METTL2B: variants seen among roughly 807,000 people sequenced by gnomAD.
METTL2B encodes methyltransferase 2B, tRNA N3-cytidine.
A neutral mutation model predicts 51.0 loss-of-function variants in METTL2B; 28 were observed. The observed-to-expected ratio is 0.55, with a 90% CI of 0.41 to 0.75. The LOEUF is 0.75. Ranked by LOEUF, METTL2B falls within the 30% of genes least tolerant of loss-of-function variation. METTL2B has a pLI of 0.00. For missense variants in METTL2B, 313 were observed against 460.7 expected (o/e 0.68, Z 2.93); for synonymous variants, 128 against 166.3 (o/e 0.77, Z 1.77).
intron 6 of METTL2B, among the ~76,000 whole-genome samples, chr7:128,496,930 G>A (rs1160393142): frequency 1.3e-5 from 2 of 152,082 alleles, no homozygotes; most frequent in African/African-American, 4.8e-5. Context: ...ACAGGTGCCT[G>A]CCACCATCCC....
At chr7:128,482,267 C>G (rs1295371372) in intron 4 of METTL2B, among the ~76,000 whole-genome samples, 2 of 152,140 alleles carry the variant, frequency 1.3e-5, no homozygotes, top group Non-Finnish European at 2.9e-5. Flanking sequence ...GATTCACCTG[C>G]CTCAGCCTCC....
rs759858376 is a variant in METTL2B, at chr7:128,498,007, A to C, written c.810-29A>C. ...AGAACCCTGTCTTTAAGGAGACCTG[A>C]TTAACTATAATTCCCTGTGTCTCCA... On this transcript the variant is annotated intron_variant, in intron 6 of 8. Coordinates refer to ENST00000262432, the MANE Select transcript of METTL2B (RefSeq NM_018396.3). The C allele has an allele frequency of 5.6e-6, 9 of 1,610,308 alleles. No homozygotes were observed. In the South Asian group the frequency reaches 8.8e-5, roughly 16 times the overall value.
In METTL2B at chr7:128,487,163, C is replaced by A. The variant is rs1017004868; in HGVS notation, c.609-938C>A. The stretch of plus-strand genomic sequence containing the variant: ...ATTACCATAGCAAATGCTGCAGTTC[C>A]CCGGGTTTTTAGTCTTGATTATACC... On this transcript the variant is annotated intron_variant, in intron 4 of 8. Transcript: ENST00000262432. 4.9e-4 allele frequency among the ~76,000 whole-genome samples: 74 copies of A among 152,146 alleles called. 2 individuals carry two copies. The highest frequency in any genetic ancestry group is 1.2e-4 in the Non-Finnish European group (8 of 68,026).
chr7:128,500,845 A>G lies in METTL2B; in HGVS notation c.917-58A>G. The G allele has an allele frequency of 2.5e-6, 4 of 1,599,522 alleles. No homozygotes were observed. In the East Asian group the frequency reaches 6.7e-5, roughly 27 times the overall value. On this transcript the variant is annotated intron_variant, in intron 7 of 8. Coordinates refer to ENST00000262432, the MANE Select transcript of METTL2B (RefSeq NM_018396.3). ...GGCCTCTCAGTTAACATTCCTTAGC[A>G]GTGCAAGTCAAAGAGACACTTTAAA...
At chr7:128,486,136 A>G in intron 4 of METTL2B, among the ~76,000 whole-genome samples, 1 of 152,066 alleles carries the variant, frequency 6.6e-6, no homozygotes, top group Non-Finnish European at 1.5e-5. Context: ...TTTACTAAAA[A>G]TACAAAAATT....
At chr7:128,486,994 GT>G (rs1402509696) in intron 4 of METTL2B, among the ~76,000 whole-genome samples, 2 of 152,250 alleles carry the variant, frequency 1.3e-5, no homozygotes, top group African/African-American at 2.4e-5. Context: ...TTTCGGAGCA[GT>G]GCTGTGGAAT....
chr7:128,496,957 A>AT (rs1372834746), intron 6 of METTL2B, among the ~76,000 whole-genome samples: 2 of 151,836 alleles, frequency 1.3e-5, no homozygotes, highest in African/African-American at 4.8e-5. Flanking sequence ...ATTTTTTTGT[A>AT]TTTTTAGTAG....
At position 128,481,022 on chromosome 7, in the gene METTL2B, G is replaced by T. The variant is rs73463125; in HGVS notation, c.608+326G>T. 2.1e-3 allele frequency among the ~76,000 whole-genome samples: 313 copies of T among 152,232 alleles called. 1 individual carries two copies. Among genetic ancestry groups the T allele is most frequent in the African/African-American group, 7.1e-3 (295 of 41,506 alleles). ...AGACTTAAAACTTGCTAGTGTTAAC[G>T]TTTAGTGCCTTCTTCTTCTTCTAAG... On this transcript the variant is annotated intron_variant, in intron 4 of 8. Transcript: ENST00000262432.
intron 2 of METTL2B, among the ~76,000 whole-genome samples, chr7:128,477,550 T>C (rs1799818578): frequency 1.3e-5 from 2 of 152,064 alleles, no homozygotes; most frequent in Non-Finnish European, 2.9e-5. Context: ...TGAAGCTTCA[T>C]TTAAGTGATT....
rs73232665 is a variant in METTL2B, at chr7:128,498,131, G to A, written c.905G>A (p.Arg302Gln). 0.039 allele frequency: 62,614 copies of A among 1,613,360 alleles called. 1,412 individuals are homozygous for A. The highest frequency in any genetic ancestry group is 0.042 in the Non-Finnish European group (49,074 of 1,179,612). The change falls in exon 7 of 9, where the codon CGG (arginine) becomes CAG (glutamine). Residue 302 changes from arginine (R) to glutamine (Q), a missense_variant. By Grantham distance (43) the Arg-to-Gln change is conservative. Around this residue, in one of 4 missense-constraint regions of METTL2B, gnomAD observed 138 missense variants for 187.6 expected, o/e 0.74. Transcript: ENST00000262432. The stretch of plus-strand genomic sequence containing the variant: ...GGCCGCTATGACATGGCTCAGCTTC[G>A]GTTTAAAAAAGGTATTTTGAGAGTG... ...DYGRYDMAQLRFKKGQCLSGN... is the reference protein window; with the variant it reads ...DYGRYDMAQLQFKKGQCLSGN...
In METTL2B at chr7:128,492,159, A is replaced by ATTTTT. The variant is rs540232615; in HGVS notation, c.670-1634_670-1630dup. Among the ~76,000 whole-genome samples, 6 of 139,540 alleles carry ATTTTT rather than the reference A, an allele frequency of 4.3e-5. No individual in the cohort carries two copies. The East Asian group carries it at 1.3e-3, about 29-fold the overall frequency. The allele number at this position is 139,540 out of a possible 152,430, so 91.5% of individuals were successfully genotyped here. The stretch of plus-strand genomic sequence containing the variant: ...GGGCACATGCCACCACACCTGGCTA[A>ATTTTT]TTTTTTTTTTTTTTTGAGATGGAGT... On this transcript the variant is annotated intron_variant, in intron 5 of 8. Coordinates refer to ENST00000262432, the MANE Select transcript of METTL2B (RefSeq NM_018396.3).
Position 128,505,123 on chromosome 7 carries a change from CTGGGCA to C in METTL2B, c.*3211_*3216del, listed in dbSNP as rs1393563251. ...AAAAAAAAAAAAAAAAAAAAATTAG[CTGGGCA>C]TGGTGGTGGGCGCCTGTAATCCCAG... On this transcript the variant is annotated 3_prime_UTR_variant, in exon 9 of 9. Transcript: ENST00000262432. The C allele has an allele frequency of 9.3e-6, 1 of 107,200 alleles. No individual in the cohort carries two copies. The highest frequency in any genetic ancestry group is 3.3e-5 in the African/African-American group (1 of 30,166). The allele number at this position is 107,200 out of a possible 1,614,324, so 6.6% of individuals were successfully genotyped here.
chr7:128,497,636 C>T (rs551302826), intron 6 of METTL2B, among the ~76,000 whole-genome samples: 1 of 152,206 alleles, frequency 6.6e-6, no homozygotes, highest in Non-Finnish European at 1.5e-5. Flanking sequence ...ACGCATGCCA[C>T]CACGCCTGGC....
At position 128,503,123 on chromosome 7, in the gene METTL2B, A is replaced by G. The variant is rs1400005385; in HGVS notation, c.*1207A>G. 6.5e-6 allele frequency: 1 copy of G among 154,118 alleles called. No homozygotes were observed. Among genetic ancestry groups the G allele is most frequent in the Non-Finnish European group, 1.4e-5 (1 of 69,542 alleles). 9.5% of individuals were successfully genotyped at this position (154,118 alleles called of 1,614,324 possible). A position where few individuals can be genotyped will look rare whatever the true frequency, so the allele number is the denominator to read the frequency against. ...CTCCACTAAAAATACCAAAAAAAAT[A>G]GCTGGGCATGGTGGCATGCGCCTGT... On this transcript the variant is annotated 3_prime_UTR_variant, in exon 9 of 9. Coordinates refer to ENST00000262432, the MANE Select transcript of METTL2B (RefSeq NM_018396.3).
In METTL2B at chr7:128,503,867, G is replaced by A. The variant is rs1463999800; in HGVS notation, c.*1951G>A. The A allele has an allele frequency of 1.3e-5, 2 of 151,968 alleles. No homozygotes were observed. Among genetic ancestry groups the A allele is most frequent in the South Asian group, 2.1e-4 (1 of 4,816 alleles). The allele number at this position is 151,968 out of a possible 1,614,324, so 9.4% of individuals were successfully genotyped here. A position where few individuals can be genotyped will look rare whatever the true frequency, so the allele number is the denominator to read the frequency against. On this transcript the variant is annotated 3_prime_UTR_variant, in exon 9 of 9. Coordinates refer to ENST00000262432, the MANE Select transcript of METTL2B (RefSeq NM_018396.3). Reference sequence around the variant, plus strand: ...TAAAAAATCAGCCCGGCATGGTTGTGGGCGCCTGTAATCCCAGCTACTCAG... The same window carrying A: ...TAAAAAATCAGCCCGGCATGGTTGTAGGCGCCTGTAATCCCAGCTACTCAG...
rs1392223395 is a variant in METTL2B, at chr7:128,500,958, C to T, written c.972C>T (p.Phe324=). The change falls in exon 8 of 9, where the codon TTC becomes TTT. Residue 324 remains phenylalanine, a synonymous_variant. Coordinates refer to ENST00000262432, the MANE Select transcript of METTL2B (RefSeq NM_018396.3). ...GAGGTGATGGAACCAGAGTTTACTT[C>T]TTCACACAAGGTATGAAACACTCAT... The part of the protein sequence containing the change: ...YVRGDGTRVY[F]FTQEELDTLF... 6.2e-7 allele frequency: 1 copy of T among 1,614,192 alleles called. No individual in the cohort carries two copies. Among genetic ancestry groups the T allele is most frequent in the African/African-American group, 1.3e-5 (1 of 75,066 alleles).
intron 4 of METTL2B, among the ~76,000 whole-genome samples, chr7:128,485,673 A>AT (rs1282643085): frequency 1.2e-4 from 18 of 151,464 alleles, no homozygotes; most frequent in African/African-American, 3.9e-4. Context: ...CTCAAAAAAA[A>AT]AAAAAAAAAT....
intron 6 of METTL2B, among the ~76,000 whole-genome samples, chr7:128,495,355 T>C (rs1792906620): frequency 6.6e-6 from 1 of 152,264 alleles, no homozygotes; most frequent in African/African-American, 2.4e-5. Flanking sequence ...AAAATCAGAT[T>C]CTGATTAAAG....
At chr7:128,491,046 A>G (rs1210328766) in intron 5 of METTL2B, among the ~76,000 whole-genome samples, 2 of 150,816 alleles carry the variant, frequency 1.3e-5, no homozygotes, top group East Asian at 3.9e-4. Context: ...CTGTAGTCCC[A>G]GCTACTTGGG....
Sources: gnomAD v4.1 joint callset for allele counts (sites outside exome capture counted in the v4.1 genomes callset) on GRCh38, gnomAD v4.1.1 for gene constraint, gnomAD v4.1.1 regional missense constraint, MANE v1.5 for transcripts, NCBI Gene and HGNC (gene_info 2026-07-23, HGNC 2026-07-21) for gene names.